CSNK2A2: variants seen among roughly 807,000 people sequenced by gnomAD.
CSNK2A2 encodes casein kinase 2 alpha 2.
In CSNK2A2, 8 loss-of-function variants were observed where a neutral mutation model predicts 54.0. The ratio of observed to expected loss-of-function variants is 0.15; its 90% CI spans 0.09 to 0.27. CSNK2A2 has a LOEUF of 0.27. Ranked by LOEUF, CSNK2A2 falls within the 10% of genes least tolerant of loss-of-function variation. The probability of loss-of-function intolerance (pLI) is 1.00; values close to 1 mark genes in which losing one functional copy is unlikely to be tolerated. For synonymous variants in CSNK2A2, 141 were observed against 153.9 expected (o/e 0.92, Z 0.62); for missense variants, 242 against 439.4 (o/e 0.55, Z 4.02).
chr16:58,197,282 A>T lies in CSNK2A2; in HGVS notation c.104+351T>A. ...AACCTAAAAGGCAGGGCATTTTAATAGCTCCAAAGGACAGCTGTTGACTTC... is the reference window on the plus strand; with the variant it reads ...AACCTAAAAGGCAGGGCATTTTAATTGCTCCAAAGGACAGCTGTTGACTTC... On this transcript the variant is annotated intron_variant, in intron 1 of 11. Coordinates refer to ENST00000262506, the MANE Select transcript of CSNK2A2 (RefSeq NM_001896.4). This position sits in a 1 kb window ranked among gnomAD's most constrained non-coding sequence, Gnocchi z 4.0. 1 of 284,876 alleles carries T rather than the reference A, an allele frequency of 3.5e-6. No individual in the cohort carries two copies. Among genetic ancestry groups the T allele is most frequent in the Non-Finnish European group, 6.7e-6 (1 of 149,000 alleles). The allele number at this position is 284,876 out of a possible 1,614,324, so 17.6% of individuals were successfully genotyped here. A position where few individuals can be genotyped will look rare whatever the true frequency, so the allele number is the denominator to read the frequency against.
intron 2 of CSNK2A2, among the ~76,000 whole-genome samples, chr16:58,188,254 C>T (rs752525108): frequency 1.3e-5 from 2 of 152,192 alleles, no homozygotes; most frequent in Non-Finnish European, 2.9e-5. Flanking sequence ...TGATGACACC[C>T]GCTCTCCGCC....
intron 6 of CSNK2A2, among the ~76,000 whole-genome samples, chr16:58,168,321 G>C (rs1302615169): frequency 6.6e-6 from 1 of 152,154 alleles, no homozygotes; most frequent in African/African-American, 2.4e-5. Flanking sequence ...GGGTCATCAA[G>C]AAATGAAGCA....
intron 4 of CSNK2A2, among the ~76,000 whole-genome samples, chr16:58,181,207 C>T (rs16959776): frequency 0.011 from 1,630 of 152,236 alleles, 34 homozygotes; most frequent in African/African-American, 0.037. Context: ...CATTGTGAAG[C>T]TAGAAAACAT....
chr16:58,185,258 C>G (rs1356464102), intron 3 of CSNK2A2, among the ~76,000 whole-genome samples: 5 of 152,164 alleles, frequency 3.3e-5, no homozygotes, highest in Non-Finnish European at 5.9e-5. Flanking sequence ...AACTCAGAGT[C>G]CAAACAGCAG....
intron 2 of CSNK2A2, among the ~76,000 whole-genome samples, chr16:58,189,639 G>A (rs1962279002): frequency 6.6e-6 from 1 of 152,154 alleles, no homozygotes; most frequent in African/African-American, 2.4e-5. Context: ...TGCCCACCAG[G>A]TGTCTAACTT....
chr16:58,183,915 A>C (rs1295236693), intron 4 of CSNK2A2, among the ~76,000 whole-genome samples: 1 of 152,164 alleles, frequency 6.6e-6, no homozygotes, highest in East Asian at 1.9e-4. Flanking sequence ...GTATCGGTCT[A>C]TCCCTTCCTC....
At chr16:58,160,159 G>A (rs1319034885) in intron 11 of CSNK2A2, 2 of 152,016 alleles carry the variant, frequency 1.3e-5, no homozygotes, top group Non-Finnish European at 2.9e-5. Context: ...TCCACCTCGG[G>A]GTTATTTTTT....
chr16:58,166,758 G>A (rs1478395523), intron 8 of CSNK2A2, 74 bp from the exon 9 acceptor site: 5 of 1,033,948 alleles, frequency 4.8e-6, no homozygotes, highest in Non-Finnish European at 7.5e-6. Context: ...ACTGCACCAA[G>A]GAATCAGAAG....
At chr16:58,176,253 T>C (rs1961874903) in intron 4 of CSNK2A2, among the ~76,000 whole-genome samples, 1 of 152,196 alleles carries the variant, frequency 6.6e-6, no homozygotes, top group African/African-American at 2.4e-5. Context: ...GGCTATCTCA[T>C]TAGGACTTTT....
intron 10 of CSNK2A2, 80 bp downstream of exon 10, chr16:58,165,480 T>C (rs1381870236): frequency 7.1e-7 from 1 of 1,407,854 alleles, no homozygotes; most frequent in Admixed American, 2.4e-5. Context: ...AGAATTCTCC[T>C]GACTGGTCTC....
chr16:58,184,462 T>A, intron 3 of CSNK2A2, 152 bp from the exon 4 acceptor site: 1 of 544,218 alleles, frequency 1.8e-6, no homozygotes. Flanking sequence ...TCTCTTGAAA[T>A]TTTATGATGT....
At chr16:58,168,930 CT>C (rs879339390) in intron 5 of CSNK2A2, among the ~76,000 whole-genome samples, 347 of 142,300 alleles carry the variant, frequency 2.4e-3, no homozygotes, top group Admixed American at 2.9e-3. Context: ...AGGAAGATTT[CT>C]TTTTTTTTTT....
At chr16:58,165,277 A>C (rs1024064733) in intron 10 of CSNK2A2, among the ~76,000 whole-genome samples, 1 of 152,244 alleles carries the variant, frequency 6.6e-6, no homozygotes, top group Admixed American at 6.5e-5. Context: ...TGTATGTTTA[A>C]AAAGAAATTT....
chr16:58,191,263 A>G (rs1962314763), intron 2 of CSNK2A2, among the ~76,000 whole-genome samples: 1 of 152,228 alleles, frequency 6.6e-6, no homozygotes, highest in Admixed American at 6.5e-5. Flanking sequence ...TCCATTTTAC[A>G]AGATGAAGAG....
intron 4 of CSNK2A2, among the ~76,000 whole-genome samples, chr16:58,181,121 C>T (rs1287359216): frequency 6.6e-6 from 1 of 152,170 alleles, no homozygotes; most frequent in Non-Finnish European, 1.5e-5. Context: ...CTCTGCTCTA[C>T]CTGAAACTCC....
In CSNK2A2 at chr16:58,165,633, A is replaced by G; in HGVS notation, c.903T>C (p.Leu301=). 6.2e-7 allele frequency: 1 copy of G among 1,614,126 alleles called. No homozygotes were observed. The highest frequency in any genetic ancestry group is 8.5e-7 in the Non-Finnish European group (1 of 1,179,994). The part of the protein sequence containing the change: ...RHLVSPEALD[L]LDKLLRYDHQ... ...GGTCGTATCGCAGAAGTTTGTCCAGAAGATCTAGGGCCTCAGGGCTGACAA... is the reference window on the plus strand; with the variant it reads ...GGTCGTATCGCAGAAGTTTGTCCAGGAGATCTAGGGCCTCAGGGCTGACAA... Residue 301 remains leucine (L), a synonymous_variant, in exon 10 of 12, where the codon CTT becomes CTC. Transcript: ENST00000262506.
At chr16:58,168,893 G>A in intron 5 of CSNK2A2, among the ~76,000 whole-genome samples, 200 bp from the exon 6 acceptor site, 1 of 152,014 alleles carries the variant, frequency 6.6e-6, no homozygotes, top group Non-Finnish European at 1.5e-5. Context: ...GTAGAAAGGG[G>A]GTATGAAGGG....
intron 11 of CSNK2A2, chr16:58,162,943 GAC>G (rs1163536345): frequency 6.6e-6 from 1 of 152,158 alleles, no homozygotes; most frequent in Non-Finnish European, 1.5e-5. Context: ...CTGCATGCAA[GAC>G]AGACTTATCT....
chr16:58,176,354 C>G (rs942131792), intron 4 of CSNK2A2, among the ~76,000 whole-genome samples: 1 of 152,138 alleles, frequency 6.6e-6, no homozygotes, highest in Admixed American at 6.5e-5. Context: ...TCTGGACTGC[C>G]AACACAGTAT....
Sources: gnomAD v4.1 joint callset for allele counts (sites outside exome capture counted in the v4.1 genomes callset) on GRCh38, gnomAD v4.1.1 for gene constraint, Gnocchi (gnomAD v3.1) non-coding constraint, MANE v1.5 for transcripts, NCBI Gene and HGNC (gene_info 2026-07-23, HGNC 2026-07-21) for gene names.